USP25: variants seen among roughly 807,000 people sequenced by gnomAD.
USP25 encodes the protein ubiquitin carboxyl-terminal hydrolase 25.
In USP25, 85 loss-of-function variants were observed where a neutral mutation model predicts 158.5. The ratio of observed to expected loss-of-function variants is 0.54; its 90% CI spans 0.45 to 0.64. USP25 has a LOEUF of 0.64. Ranked by LOEUF, USP25 falls within the 30% of genes least tolerant of loss-of-function variation. The pLI, the probability that USP25 is intolerant of heterozygous loss-of-function variation, is 0.00. For synonymous variants in USP25, 464 were observed against 460.4 expected, an observed-to-expected ratio of 1.01 and a Z score of -0.10; for missense variants, 1,242 against 1,327.3, an observed-to-expected ratio of 0.94 and a Z score of 1.00.
chr21:15,845,009 G>T (rs1397971987), intron 18 of USP25, among the ~76,000 whole-genome samples: 1 of 152,026 alleles, frequency 6.6e-6, no homozygotes, highest in Non-Finnish European at 1.5e-5. Flanking sequence ...TAGGCTGCTA[G>T]AAATGAAAAC....
At position 15,791,643 on chromosome 21, in the gene USP25, T is replaced by C. The variant is rs764464677; in HGVS notation, c.534T>C (p.Cys178=). ...PVGLKNVGNT[C]WFSAVIQSLF... ...GGCTAAAGAATGTTGGCAATACTTG[T>C]TGGTTTAGTGCTGTTATTCAGGTAA... Residue 178 remains cysteine, a synonymous_variant, in exon 5 of 26, where the codon TGT becomes TGC. Transcript: ENST00000400183. The C allele has an allele frequency of 1.1e-5, 17 of 1,610,438 alleles. No homozygotes were observed. The Admixed American group carries it at 1.2e-4, about 11-fold the overall frequency.
chr21:15,735,500 T>G (rs945149330), intron 1 of USP25, among the ~76,000 whole-genome samples: 6 of 152,220 alleles, frequency 3.9e-5, no homozygotes, highest in Admixed American at 6.5e-5. Context: ...TATAAGGGAC[T>G]TTGACATTCG....
At chr21:15,828,859 A>G (rs1313698567) in intron 14 of USP25, among the ~76,000 whole-genome samples, 1 of 152,068 alleles carries the variant, frequency 6.6e-6, no homozygotes, top group African/African-American at 2.4e-5. Context: ...GGGTGGTCTC[A>G]ATCTCTTGAC....
intron 3 of USP25, 35 bp from the exon 4 acceptor site, chr21:15,777,863 GTTTTAC>G (rs777508856): frequency 1.2e-5 from 18 of 1,544,428 alleles, no homozygotes; most frequent in African/African-American, 2.8e-5. Context: ...CTTTCATTTT[GTTTTAC>G]TTTTAATTTT....
At chr21:15,809,859 C>T (rs2036571270) in intron 8 of USP25, among the ~76,000 whole-genome samples, 1 of 151,998 alleles carries the variant, frequency 6.6e-6, no homozygotes, top group Non-Finnish European at 1.5e-5. Context: ...TGTAACATGA[C>T]CCCTTGAAGA....
At chr21:15,769,796 G>A (rs1461788831) in intron 3 of USP25, among the ~76,000 whole-genome samples, 2 of 152,032 alleles carry the variant, frequency 1.3e-5, no homozygotes, top group Non-Finnish European at 2.9e-5. Context: ...AACAGTATAT[G>A]CTCTCCAGAA....
rs537803677 is a variant in USP25 at position 15,818,732 on chromosome 21, G to A, written c.966G>A (p.Gln322=). 1.2e-6 allele frequency: 2 copies of A among 1,613,156 alleles called. No individual in the cohort carries two copies. Among genetic ancestry groups the A allele is most frequent in the South Asian group, 1.1e-5 (1 of 90,966 alleles). ...KKFENTEMFG[Q]YPLQVNGFKD... is the part of the protein sequence containing the mutation. ...TTGAAAACACTGAAATGTTTGGTCA[G>A]TACCCACTTCAGGTCAATGGGTTCA... Residue 322 remains glutamine (Q), a synonymous_variant, in exon 10 of 26, where the codon CAG becomes CAA. Coordinates refer to ENST00000400183, the MANE Select transcript of USP25 (RefSeq NM_001283041.3).
chr21:15,811,947 A>T (rs1395115652), intron 9 of USP25, among the ~76,000 whole-genome samples: 1 of 152,102 alleles, frequency 6.6e-6, no homozygotes. Flanking sequence ...CTTTTTCTTC[A>T]CGATCTTAAG....
At position 15,867,642 on chromosome 21, in the gene USP25, T is replaced by G. The variant is rs76023781; in HGVS notation, c.2805+1298T>G. Reference sequence around the variant, plus strand: ...AAATTCAAATAAAATCTACAACTGATGTATTAGAACTAGTAAGACAGCTTT... The same window carrying G: ...AAATTCAAATAAAATCTACAACTGAGGTATTAGAACTAGTAAGACAGCTTT... On this transcript the variant is annotated intron_variant, in intron 22 of 25. Coordinates refer to ENST00000400183, the MANE Select transcript of USP25 (RefSeq NM_001283041.3). Among the ~76,000 whole-genome samples, 6 of 152,272 alleles carry G rather than the reference T, an allele frequency of 3.9e-5. No individual in the cohort carries two copies. In the East Asian group the frequency reaches 1.2e-3, roughly 29 times the overall value.
At position 15,847,729 on chromosome 21, in the gene USP25, G is replaced by A; in HGVS notation, c.2404G>A (p.Val802Ile). 1.9e-6 allele frequency: 3 copies of A among 1,550,186 alleles called. No homozygotes were observed. Among genetic ancestry groups the A allele is most frequent in the Non-Finnish European group, 2.6e-6 (3 of 1,146,668 alleles). The change falls in exon 19 of 26, where the codon GTA becomes ATA. Residue 802 changes from valine (V) to isoleucine (I), a missense_variant. Physicochemically the swap from Val to Ile is conservative, Grantham distance 29. Coordinates refer to ENST00000400183, the MANE Select transcript of USP25 (RefSeq NM_001283041.3). ...QRVVEVAIPH[V>I]GKFMIESKEG... The stretch of plus-strand genomic sequence containing the variant: ...AGTTGTAGAGGTGGCGATCCCTCAT[G>A]TAGGGAAATTTATGATTGAATCAAA...
At chr21:15,776,907 G>A (rs2034688271) in intron 3 of USP25, among the ~76,000 whole-genome samples, 1 of 151,978 alleles carries the variant, frequency 6.6e-6, no homozygotes, top group Non-Finnish European at 1.5e-5. Context: ...ATACAAATAA[G>A]CATAATCCCA....
intron 20 of USP25, among the ~76,000 whole-genome samples, chr21:15,852,183 A>T (rs1008443369): frequency 6.6e-6 from 1 of 152,078 alleles, no homozygotes; most frequent in Non-Finnish European, 1.5e-5. Flanking sequence ...TCTTTGTCAG[A>T]TGTTAAAAAT....
Position 15,864,347 on chromosome 21 carries a change from A to G in USP25, c.2627A>G (p.His876Arg), listed in dbSNP as rs779950608. 4 of 1,613,794 alleles carry G rather than the reference A, an allele frequency of 2.5e-6. No homozygotes were observed. Among genetic ancestry groups the G allele is most frequent in the Admixed American group, 1.7e-5 (1 of 59,974 alleles). Residue 876 changes from histidine (H) to arginine (R), a missense_variant, in exon 21 of 26, where the codon CAT (histidine) becomes CGT (arginine). This residue lies in a region of USP25 where 608 missense variants were observed against 605.2 expected (regional missense o/e 1.00). Transcript: ENST00000400183. ...TPPETDYRLH[H>R]VVVYFIQNQA... is the part of the protein sequence containing the mutation. The stretch of plus-strand genomic sequence containing the variant: ...CCAGAAACCGATTATCGTTTACATC[A>G]TGTAGTGGTCTACTTTATCCAGAAC...
chr21:15,749,425 A>G (rs2032820232), intron 1 of USP25, among the ~76,000 whole-genome samples: 1 of 152,198 alleles, frequency 6.6e-6, no homozygotes, highest in South Asian at 2.1e-4. Flanking sequence ...GAGAGATTAT[A>G]TATTTTCCGA....
intron 4 of USP25, among the ~76,000 whole-genome samples, chr21:15,785,919 GAAAA>G (rs939301812): frequency 1.5e-5 from 2 of 132,960 alleles, no homozygotes; most frequent in Non-Finnish European, 3.3e-5. Flanking sequence ...AAGAAAAAAG[GAAAA>G]AAAAAAAGAC....
At chr21:15,730,987 T>G (rs2030809736) in intron 1 of USP25, among the ~76,000 whole-genome samples, 3 of 138,638 alleles carry the variant, frequency 2.2e-5, no homozygotes, top group South Asian at 2.3e-4. Context: ...TTTTTTTTTT[T>G]TTTTTTTTTT....
chr21:15,849,063 G>T (rs2038765167), intron 19 of USP25, among the ~76,000 whole-genome samples: 1 of 152,022 alleles, frequency 6.6e-6, no homozygotes, highest in South Asian at 2.1e-4. Context: ...AAACATGCTG[G>T]CTCTTGAAAA....
In USP25 at chr21:15,826,719, T is replaced by C. The variant is rs558043087; in HGVS notation, c.1467-258T>C. Reference sequence around the variant, plus strand: ...AGCTGATAAGCCAGGGAAAATAATATCACCATGCGTAAGATTTTCTTGTTT... The same window carrying C: ...AGCTGATAAGCCAGGGAAAATAATACCACCATGCGTAAGATTTTCTTGTTT... On this transcript the variant is annotated intron_variant, in intron 13 of 25. Coordinates refer to ENST00000400183, the MANE Select transcript of USP25 (RefSeq NM_001283041.3). This position sits in a 1 kb window ranked among gnomAD's most constrained non-coding sequence, Gnocchi z 4.8. Among the ~76,000 whole-genome samples the C allele has an allele frequency of 7.0e-4, 106 of 152,312 alleles. No homozygotes were observed. Among genetic ancestry groups the C allele is most frequent in the African/African-American group, 2.4e-3 (101 of 41,568 alleles).
intron 1 of USP25, among the ~76,000 whole-genome samples, chr21:15,747,050 A>G (rs1194401849): frequency 2.6e-5 from 4 of 152,142 alleles, no homozygotes; most frequent in South Asian, 2.1e-4. Flanking sequence ...CTATTTGTTT[A>G]TATATCTTTT....
Sources: gnomAD v4.1 joint callset for allele counts (sites outside exome capture counted in the v4.1 genomes callset) on GRCh38, gnomAD v4.1.1 for gene constraint, gnomAD v4.1.1 regional missense constraint, Gnocchi (gnomAD v3.1) non-coding constraint, MANE v1.5 for transcripts, NCBI Gene and HGNC (gene_info 2026-07-23, HGNC 2026-07-21) for gene names.